Variants in SPAG17 observed in about 807,000 individuals in gnomAD.
The protein encoded by SPAG17 is sperm-associated antigen 17.
Under a neutral mutation model 273.6 loss-of-function variants are expected in SPAG17, and 169 were observed. The ratio of observed to expected loss-of-function variants is 0.62; its 90% CI spans 0.55 to 0.70. The LOEUF is 0.70. SPAG17 is among the 30% of genes least tolerant of loss of function. SPAG17 has a pLI of 0.00. For synonymous variants in SPAG17, 825 were observed against 873.2 expected (o/e 0.94, Z 0.97); for missense variants, 2,557 against 2,627.8 (o/e 0.97, Z 0.59).
At chr1:118,151,090 C>A in intron 2 of SPAG17, 139 bp downstream of exon 2, 1 of 663,194 alleles carries the variant, frequency 1.5e-6, no homozygotes, top group Non-Finnish European at 2.2e-6. Flanking sequence ...CAAATTTATT[C>A]TGGCTAAATA....
At chr1:118,092,753 T>C (rs1055909077) in intron 8 of SPAG17, among the ~76,000 whole-genome samples, 2 of 152,234 alleles carry the variant, frequency 1.3e-5, no homozygotes, top group South Asian at 2.1e-4. Context: ...TCATGCTACG[T>C]TGAAATCATT....
At chr1:117,978,788 T>C (rs778247951) in intron 43 of SPAG17, among the ~76,000 whole-genome samples, 2 of 152,026 alleles carry the variant, frequency 1.3e-5, no homozygotes, top group Non-Finnish European at 2.9e-5. Flanking sequence ...CATTTGACCT[T>C]GCAGGGGCAT....
chr1:118,139,797 G>C (rs936869919), intron 3 of SPAG17, among the ~76,000 whole-genome samples: 6 of 151,856 alleles, frequency 4.0e-5, no homozygotes, highest in Non-Finnish European at 7.4e-5. Context: ...CTGGGGGGTG[G>C]GGGGAATGGA....
At chr1:117,961,858 C>T (rs1653145666) in intron 48 of SPAG17, 1 of 152,366 alleles carries the variant, frequency 6.6e-6, no homozygotes, top group Non-Finnish European at 1.5e-5. Context: ...TCCAAGGAGT[C>T]AGTGTTGTTT....
chr1:118,104,396 G>A (rs1480104564), intron 4 of SPAG17, among the ~76,000 whole-genome samples: 1 of 152,206 alleles, frequency 6.6e-6, no homozygotes, highest in African/African-American at 2.4e-5. Flanking sequence ...ACAGTGTTAT[G>A]TCAACTTTGA....
At chr1:118,040,405 G>A (rs866257655) in intron 22 of SPAG17, among the ~76,000 whole-genome samples, 7 of 152,094 alleles carry the variant, frequency 4.6e-5, no homozygotes, top group Admixed American at 2.6e-4. Context: ...GGGATAACAA[G>A]GTGTGCTGTA....
chr1:118,140,003 C>A (rs932217678), intron 3 of SPAG17, among the ~76,000 whole-genome samples: 3 of 152,034 alleles, frequency 2.0e-5, no homozygotes, highest in African/African-American at 7.2e-5. Flanking sequence ...GGAGGAGGGA[C>A]CTGAGCTGGC....
chr1:118,012,450 C>T lies in SPAG17; in HGVS notation c.4288-78G>A, dbSNP rs558188573. 484 of 1,473,428 alleles carry T rather than the reference C, an allele frequency of 3.3e-4. 4 individuals carry two copies. In the South Asian group the frequency reaches 3.9e-3, roughly 12 times the overall value. The allele number at this position is 1,473,428 out of a possible 1,614,324, so 91.3% of individuals were successfully genotyped here. ...TGTACTTATTTTTATCCATTGAATA[C>T]GAAGATGGCACCATCAAAGTCCTAG... On this transcript the variant is annotated intron_variant, in intron 29 of 48. Transcript: ENST00000336338.
At chr1:118,012,508 T>C in intron 29 of SPAG17, 136 bp from the exon 30 acceptor site, 1 of 896,270 alleles carries the variant, frequency 1.1e-6, no homozygotes. Context: ...TTATCTCATC[T>C]ACCTGATCTA....
At chr1:118,085,532 G>GTGCGTGCATACGCGTGCA (rs1558001236) in intron 13 of SPAG17, among the ~76,000 whole-genome samples, 1 of 151,428 alleles carries the variant, frequency 6.6e-6, no homozygotes, top group South Asian at 2.1e-4. Flanking sequence ...ATACGCGTGC[G>GTGCGTGCATACGCGTGCA]CGCGCGCACA....
In SPAG17 at chr1:118,005,510, A is replaced by G. The variant is rs1658789438; in HGVS notation, c.4680T>C (p.Phe1560=). The change falls in exon 32 of 49, where the codon TTT becomes TTC. Residue 1560 remains phenylalanine (F), a synonymous_variant. Transcript: ENST00000336338. ...CAGCTCGCAGCTGCTCACGCTTTTGAAAAGGATAGTATATATTACTGCTTG... is the reference window on the plus strand; with the variant it reads ...CAGCTCGCAGCTGCTCACGCTTTTGGAAAGGATAGTATATATTACTGCTTG... ...HESSSNIYYP[F]QKREQLRAGR... The G allele has an allele frequency of 6.2e-7, 1 of 1,613,650 alleles. No homozygotes were observed. Among genetic ancestry groups the G allele is most frequent in the African/African-American group, 1.3e-5 (1 of 75,058 alleles).
chr1:118,053,921 A>T, intron 20 of SPAG17, 81 bp downstream of exon 20: 1 of 1,006,026 alleles, frequency 9.9e-7, no homozygotes, highest in Non-Finnish European at 1.5e-6. Context: ...ATCCACTCCC[A>T]CTGCCCCAAA....
intron 32 of SPAG17, among the ~76,000 whole-genome samples, chr1:118,003,034 C>A (rs752554292): frequency 1.2e-4 from 19 of 152,162 alleles, no homozygotes; most frequent in Admixed American, 2.0e-4. Context: ...GTAACAAAAT[C>A]TCTCAGCATT....
In SPAG17 at chr1:117,988,161, C is replaced by T. The variant is rs150806134; in HGVS notation, c.5565G>A (p.Thr1855=). ...ATGTGTCTGGTGGGCATTTTGGAGG[C>T]GTAGCCAAAGACTGCTTGAATAAAT... ...LTDLFKQSLA[T]PPKCPPDTFG... Residue 1855 remains threonine (T), a synonymous_variant, in exon 39 of 49, where the codon ACG becomes ACA. Transcript: ENST00000336338. The T allele has an allele frequency of 2.2e-5, 36 of 1,607,158 alleles. No individual in the cohort carries two copies. The highest frequency in any genetic ancestry group is 2.5e-5 in the Non-Finnish European group (29 of 1,178,256).
chr1:118,055,366 A>G (rs895978662), intron 19 of SPAG17, among the ~76,000 whole-genome samples: 4 of 152,146 alleles, frequency 2.6e-5, no homozygotes, highest in Non-Finnish European at 5.9e-5. Context: ...ATTCAAATAG[A>G]TATCTACTAA....
intron 24 of SPAG17, chr1:118,036,547 T>TTGTA (rs10671050): frequency 0.54 from 148,676 of 276,342 alleles, 41,692 homozygotes; most frequent in African/African-American, 0.69. Flanking sequence ...CATTTTTATT[T>TTGTA]TGTATCTATG....
At chr1:118,025,187 G>T (rs778889055) in intron 27 of SPAG17, 51 bp downstream of exon 27, 1 of 1,570,782 alleles carries the variant, frequency 6.4e-7, no homozygotes, top group East Asian at 2.3e-5. Flanking sequence ...CCCATAAGTT[G>T]TCTTTTACTT....
chr1:118,137,077 CT>C (rs1434543900), intron 3 of SPAG17, among the ~76,000 whole-genome samples: 1 of 152,050 alleles, frequency 6.6e-6, no homozygotes, highest in African/African-American at 2.4e-5. Context: ...GAGCCTGTAT[CT>C]TTTTTTCCCT....
At chr1:118,011,499 C>T (rs1407900119) in intron 30 of SPAG17, among the ~76,000 whole-genome samples, 3 of 152,116 alleles carry the variant, frequency 2.0e-5, no homozygotes, top group African/African-American at 7.2e-5. Context: ...CTTCATCTCA[C>T]TTATAAGTGG....
Sources: gnomAD v4.1 joint callset for allele counts (sites outside exome capture counted in the v4.1 genomes callset) on GRCh38, gnomAD v4.1.1 for gene constraint, MANE v1.5 for transcripts, NCBI Gene and HGNC (gene_info 2026-07-23, HGNC 2026-07-21) for gene names.